Variants in SCAMP1 observed in about 807,000 individuals in gnomAD.
The protein encoded by SCAMP1 is secretory carrier membrane protein 1.
SCAMP1 carries 15 observed loss-of-function variants against 41.8 expected under a neutral mutation model. That is an observed-to-expected ratio of 0.36 (90% CI 0.24 to 0.55). The LOEUF (loss-of-function observed/expected upper bound fraction) is 0.55. Among genes scored for constraint, SCAMP1 ranks in the 20% least tolerant of loss-of-function variants. The pLI, the probability that SCAMP1 is intolerant of heterozygous loss-of-function variation, is 0.86. For missense variants in SCAMP1, 341 were observed against 412.6 expected (o/e 0.83, Z 1.50); for synonymous variants, 135 against 136.8 (o/e 0.99, Z 0.09).
chr5:78,475,389 G>T, intron 8 of SCAMP1, 115 bp from the exon 9 acceptor site: 2 of 631,638 alleles, frequency 3.2e-6, no homozygotes, highest in Non-Finnish European at 4.9e-6. Context: ...TTGATCTTAG[G>T]AATCATGACT....
chr5:78,469,068 G>C (rs1309431498), intron 8 of SCAMP1, among the ~76,000 whole-genome samples: 1 of 151,916 alleles, frequency 6.6e-6, no homozygotes, highest in Non-Finnish European at 1.5e-5. Flanking sequence ...ATGTGAGTTT[G>C]GTTGGAAAAA....
In SCAMP1 at chr5:78,398,355, C is replaced by CTTTTTTT. The variant is rs1197381285; in HGVS notation, c.135+9462_135+9468dup. Among the ~76,000 whole-genome samples the CTTTTTTT allele has an allele frequency of 8.2e-4, 47 of 57,486 alleles. 7 individuals are homozygous for CTTTTTTT. Among genetic ancestry groups the CTTTTTTT allele is most frequent in the African/African-American group, 3.4e-3 (45 of 13,386 alleles). 37.7% of individuals were successfully genotyped at this position (57,486 alleles called of 152,430 possible). A position where few individuals can be genotyped will look rare whatever the true frequency, so the allele number is the denominator to read the frequency against. On this transcript the variant is annotated intron_variant, in intron 2 of 8. Coordinates refer to ENST00000621999, the MANE Select transcript of SCAMP1 (RefSeq NM_004866.6). ...CTATAGTTTATCCTAGGGTTCACCT[C>CTTTTTTT]TTTTTTTTTTTTTTTTTTTTTTTTT...
chr5:78,418,988 C>A, intron 5 of SCAMP1, 85 bp downstream of exon 5: 2 of 1,117,584 alleles, frequency 1.8e-6, no homozygotes, highest in South Asian at 3.1e-5. Flanking sequence ...GATAGTATAG[C>A]AAACCAGTCT....
At position 78,457,037 on chromosome 5, in the gene SCAMP1, A is replaced by C. The variant is rs369829093; in HGVS notation, c.735-2208A>C. On this transcript the variant is annotated intron_variant, in intron 7 of 8. Transcript: ENST00000621999. ...TCGAGCCTTGGTTTTCAGCTCCATC[A>C]GCTCCTTTAAGCACTTCTCTGTATT... Among the ~76,000 whole-genome samples, 57 of 125,050 alleles carry C rather than the reference A, an allele frequency of 4.6e-4. 1 individual carries two copies. The East Asian group carries it at 8.6e-3, about 19-fold the overall frequency. 82.0% of individuals were successfully genotyped at this position (125,050 alleles called of 152,430 possible).
chr5:78,410,457 C>T (rs1752047597), intron 2 of SCAMP1, among the ~76,000 whole-genome samples: 1 of 152,136 alleles, frequency 6.6e-6, no homozygotes, highest in African/African-American at 2.4e-5. Flanking sequence ...TCATCGATAT[C>T]CCTGCTAAGG....
chr5:78,436,814 C>T (rs1421920245), intron 6 of SCAMP1, among the ~76,000 whole-genome samples: 1 of 152,110 alleles, frequency 6.6e-6, no homozygotes, highest in Non-Finnish European at 1.5e-5. Flanking sequence ...TTACCTTGGG[C>T]AGTATGGCCA....
chr5:78,362,035 A>G (rs1444763241), intron 1 of SCAMP1, among the ~76,000 whole-genome samples: 1 of 152,030 alleles, frequency 6.6e-6, no homozygotes, highest in African/African-American at 2.4e-5. Context: ...GTCACTTAAA[A>G]TTCAGTACAA....
intron 2 of SCAMP1, among the ~76,000 whole-genome samples, chr5:78,396,863 CAT>C (rs1215649003): frequency 1.3e-5 from 2 of 152,172 alleles, no homozygotes; most frequent in Non-Finnish European, 2.9e-5. Flanking sequence ...GAAAATTTAT[CAT>C]TGAATTTAAC....
rs139633111 is a variant in SCAMP1, at chr5:78,435,316, A to G, written c.632+13356A>G. ...TTTGATACATAAGTATACATGTGCC[A>G]TGTTGGTTTGCTGCACCCATCAACT... is the stretch of plus-strand genomic sequence containing the variant. On this transcript the variant is annotated intron_variant, in intron 6 of 8. Coordinates refer to ENST00000621999, the MANE Select transcript of SCAMP1 (RefSeq NM_004866.6). Among the ~76,000 whole-genome samples the G allele has an allele frequency of 3.7e-3, 567 of 152,246 alleles. 5 individuals are homozygous for G. The highest frequency in any genetic ancestry group is 0.012 in the African/African-American group (514 of 41,552).
chr5:78,413,514 C>G (rs538635397), intron 2 of SCAMP1, among the ~76,000 whole-genome samples: 23 of 151,370 alleles, frequency 1.5e-4, no homozygotes, highest in Non-Finnish European at 2.9e-5. Flanking sequence ...GCCTCCCAGG[C>G]TCAAGCGATT....
intron 8 of SCAMP1, among the ~76,000 whole-genome samples, chr5:78,463,290 ACT>A (rs1306835890): frequency 1.3e-5 from 2 of 151,832 alleles, no homozygotes; most frequent in African/African-American, 2.4e-5. Context: ...AATTCTCTTG[ACT>A]CTCTGGCTAT....
At chr5:78,378,242 TC>T (rs1267090347) in intron 1 of SCAMP1, among the ~76,000 whole-genome samples, 9 of 152,356 alleles carry the variant, frequency 5.9e-5, no homozygotes, top group Middle Eastern at 3.4e-3. Context: ...TGTACAATAA[TC>T]ATCCATGTAG....
intron 1 of SCAMP1, among the ~76,000 whole-genome samples, chr5:78,377,155 A>AT (rs1464382631): frequency 6.6e-6 from 1 of 152,022 alleles, no homozygotes; most frequent in Non-Finnish European, 1.5e-5. Context: ...CATTGTGAAA[A>AT]CTTCTGTAAC....
chr5:78,454,800 A>C (rs1023919550), intron 7 of SCAMP1, among the ~76,000 whole-genome samples: 1 of 152,208 alleles, frequency 6.6e-6, no homozygotes, highest in Admixed American at 6.5e-5. Flanking sequence ...TCGGCTGTGA[A>C]TCCATCTGGT....
chr5:78,362,308 T>G (rs1457715795), intron 1 of SCAMP1, among the ~76,000 whole-genome samples: 1 of 152,250 alleles, frequency 6.6e-6, no homozygotes. Context: ...TCTGACGATT[T>G]GGCAGTGTAT....
intron 1 of SCAMP1, among the ~76,000 whole-genome samples, chr5:78,376,663 A>G (rs567538623): frequency 8.5e-5 from 13 of 152,336 alleles, no homozygotes; most frequent in African/African-American, 3.1e-4. Context: ...ATCTGTAGGA[A>G]TGACATGAAA....
chr5:78,430,167 A>G (rs751845096), intron 6 of SCAMP1, among the ~76,000 whole-genome samples: 1,463 of 26,336 alleles, frequency 0.056, 37 homozygotes, highest in East Asian at 0.081. Context: ...TACAGTATTT[A>G]TTTATAAATA....
At chr5:78,385,138 T>G (rs1751311297) in intron 1 of SCAMP1, among the ~76,000 whole-genome samples, 1 of 152,192 alleles carries the variant, frequency 6.6e-6, no homozygotes, top group Non-Finnish European at 1.5e-5. Flanking sequence ...TTGTTACTGG[T>G]CTGTTCAGAG....
intron 6 of SCAMP1, 123 bp downstream of exon 6, chr5:78,422,083 C>A: frequency 3.7e-6 from 3 of 819,302 alleles, no homozygotes; most frequent in Non-Finnish European, 5.5e-6. Context: ...GTGTAACATA[C>A]CTTCAGGAAA....
Sources: gnomAD v4.1 joint callset for allele counts (sites outside exome capture counted in the v4.1 genomes callset) on GRCh38, gnomAD v4.1.1 for gene constraint, MANE v1.5 for transcripts, NCBI Gene and HGNC (gene_info 2026-07-23, HGNC 2026-07-21) for gene names.